Variants in TEX2 observed in about 807,000 individuals in gnomAD.
The protein encoded by TEX2 is testis-expressed protein 2.
A neutral mutation model predicts 106.9 loss-of-function variants in TEX2; 53 were observed. The observed-to-expected ratio is 0.50, with a 90% CI of 0.40 to 0.62. TEX2 has a LOEUF of 0.62. Ranked by LOEUF, TEX2 falls within the 20% of genes least tolerant of loss-of-function variation. The probability of loss-of-function intolerance (pLI) is 0.00; values close to 1 mark genes in which losing one functional copy is unlikely to be tolerated. For synonymous variants in TEX2, 523 were observed against 534.8 expected (o/e 0.98, Z 0.30); for missense variants, 1,207 against 1,379.0 (o/e 0.88, Z 1.98).
At chr17:64,230,423 T>C (rs554129524) in intron 1 of TEX2, among the ~76,000 whole-genome samples, 2 of 152,232 alleles carry the variant, frequency 1.3e-5, no homozygotes, top group African/African-American at 4.8e-5. Flanking sequence ...GGTCCTGACC[T>C]GGCCGGCTGG....
chr17:64,177,548 C>G, intron 5 of TEX2, 77 bp from the exon 6 acceptor site: 1 of 1,493,164 alleles, frequency 6.7e-7, no homozygotes, highest in Non-Finnish European at 9.1e-7. Context: ...TATAAAGTCA[C>G]TGAAGGTCCC....
At chr17:64,168,927 A>ATTCTCGCTCTGTTGC (rs2031269859) in intron 7 of TEX2, among the ~76,000 whole-genome samples, 1 of 46,360 alleles carries the variant, frequency 2.2e-5, no homozygotes. Context: ...TTTGAGACAG[A>ATTCTCGCTCTGTTGC]TTCTCGCTCT....
At chr17:64,219,883 T>C (rs1598197085) in intron 1 of TEX2, among the ~76,000 whole-genome samples, 1 of 152,314 alleles carries the variant, frequency 6.6e-6, no homozygotes, top group South Asian at 2.1e-4. Flanking sequence ...CCCTAAAACC[T>C]GTGAATCTGT....
intron 1 of TEX2, among the ~76,000 whole-genome samples, chr17:64,244,727 G>A (rs533282960): frequency 2.6e-5 from 4 of 152,140 alleles, no homozygotes; most frequent in East Asian, 3.9e-4. Flanking sequence ...AGAATAACAC[G>A]TACATTTCCC....
At chr17:64,235,509 T>C (rs2033748400) in intron 1 of TEX2, among the ~76,000 whole-genome samples, 1 of 152,204 alleles carries the variant, frequency 6.6e-6, no homozygotes, top group African/African-American at 2.4e-5. Context: ...TAATGACAAC[T>C]CAGGCAAGCA....
At chr17:64,251,876 G>C (rs754106985) in intron 1 of TEX2, among the ~76,000 whole-genome samples, 4 of 152,140 alleles carry the variant, frequency 2.6e-5, no homozygotes, top group Non-Finnish European at 5.9e-5. Flanking sequence ...GAAACACTTG[G>C]CAAACACCCC....
intron 5 of TEX2, among the ~76,000 whole-genome samples, chr17:64,179,246 C>T (rs1156674839): frequency 2.6e-5 from 4 of 152,068 alleles, no homozygotes; most frequent in South Asian, 2.1e-4. Flanking sequence ...CCCTATAAAA[C>T]GCACCAATCA....
chr17:64,193,689 C>T lies in TEX2; in HGVS notation c.2046G>A (p.Gln682=), dbSNP rs199771918. The change falls in exon 4 of 12, where the codon CAG becomes CAA. Residue 682 remains glutamine (Q), a synonymous_variant. Coordinates refer to ENST00000584379, the MANE Select transcript of TEX2 (RefSeq NM_001288732.2). ...CAAAGAGATAGAGTATCTGATCTCG[C>T]TGGCTAGATCTTGTTCCCTCCTGAG... ...PRPQEGTRSS[Q]RDQILYLFGR... is the part of the protein sequence containing the mutation. 181 of 1,605,808 alleles carry T rather than the reference C, an allele frequency of 1.1e-4. No homozygotes were observed. Among genetic ancestry groups the T allele is most frequent in the Non-Finnish European group, 8.5e-5 (100 of 1,176,678 alleles).
chr17:64,181,419 T>C (rs1244382093), intron 5 of TEX2, among the ~76,000 whole-genome samples: 1 of 126,968 alleles, frequency 7.9e-6, no homozygotes, highest in East Asian at 2.3e-4. Context: ...GAGGTTGCAG[T>C]GGGCCGAGAC....
intron 7 of TEX2, among the ~76,000 whole-genome samples, chr17:64,162,974 G>A (rs1219002197): frequency 6.6e-6 from 1 of 152,204 alleles, no homozygotes; most frequent in Non-Finnish European, 1.5e-5. Context: ...CATGGAGCCT[G>A]ATATCTGAGG....
rs1367485761 is a variant in TEX2, at chr17:64,217,836, G to T, written c.-25-3594C>A. 6.6e-6 allele frequency among the ~76,000 whole-genome samples: 1 copy of T among 152,174 alleles called. No individual in the cohort carries two copies. Among genetic ancestry groups the T allele is most frequent in the African/African-American group, 2.4e-5 (1 of 41,440 alleles). On this transcript the variant is annotated intron_variant, in intron 1 of 11. Coordinates refer to ENST00000584379, the MANE Select transcript of TEX2 (RefSeq NM_001288732.2). The surrounding 1 kb of genome is among the most constrained non-coding windows in gnomAD (Gnocchi z 4.3). ...CACTGACCCCCCAAGCCTTGTGATGGGAAGGAGAGCTGTAGCTCATGTTGT... is the reference window on the plus strand; with the variant it reads ...CACTGACCCCCCAAGCCTTGTGATGTGAAGGAGAGCTGTAGCTCATGTTGT...
At chr17:64,224,699 C>T (rs2033455889) in intron 1 of TEX2, among the ~76,000 whole-genome samples, 1 of 152,112 alleles carries the variant, frequency 6.6e-6, no homozygotes, top group Non-Finnish European at 1.5e-5. Context: ...AGCAGGCCCA[C>T]TCCCTTCCAC....
At chr17:64,208,014 G>A (rs868962169) in intron 2 of TEX2, among the ~76,000 whole-genome samples, 3 of 152,088 alleles carry the variant, frequency 2.0e-5, no homozygotes, top group Non-Finnish European at 2.9e-5. Context: ...GATTACAGGC[G>A]TGAGCCACCA....
chr17:64,224,034 T>C (rs1276590995), intron 1 of TEX2, among the ~76,000 whole-genome samples: 8 of 152,232 alleles, frequency 5.3e-5, no homozygotes, highest in Admixed American at 5.2e-4. Flanking sequence ...TCACATTCTT[T>C]GTCTTTGTAA....
chr17:64,228,135 C>T (rs2033557013), intron 1 of TEX2, among the ~76,000 whole-genome samples: 1 of 152,006 alleles, frequency 6.6e-6, no homozygotes, highest in South Asian at 2.1e-4. Flanking sequence ...GAGAGTTGAA[C>T]CATATGTATA....
chr17:64,180,642 T>G (rs1034878617), intron 5 of TEX2, among the ~76,000 whole-genome samples: 5 of 152,242 alleles, frequency 3.3e-5, no homozygotes, highest in Non-Finnish European at 7.3e-5. Context: ...GGATGAAATG[T>G]GTGGAGGATA....
chr17:64,237,150 G>C (rs1212944745), intron 1 of TEX2, among the ~76,000 whole-genome samples: 5 of 152,138 alleles, frequency 3.3e-5, no homozygotes, highest in African/African-American at 9.7e-5. Flanking sequence ...GTGGGCATTG[G>C]GCTGACATCT....
chr17:64,196,931 G>A (rs2032487991), intron 2 of TEX2, among the ~76,000 whole-genome samples: 1 of 150,558 alleles, frequency 6.6e-6, no homozygotes, highest in South Asian at 2.1e-4. Context: ...CTTTCAACTG[G>A]CAACAGTGGG....
intron 1 of TEX2, among the ~76,000 whole-genome samples, chr17:64,216,646 G>T (rs1222525309): frequency 1.3e-5 from 2 of 152,252 alleles, no homozygotes; most frequent in African/African-American, 2.4e-5. Context: ...GCCAAAGGGT[G>T]AAAACAGCAA....
Sources: allele counts gnomAD v4.1 joint callset (sites outside exome capture counted in the v4.1 genomes callset), GRCh38; gene constraint gnomAD v4.1.1; non-coding constraint Gnocchi (gnomAD v3.1); transcripts MANE v1.5; gene names NCBI Gene and HGNC (gene_info 2026-07-23, HGNC 2026-07-21).